PRKN: variants seen among roughly 807,000 people sequenced by gnomAD.
The protein encoded by PRKN is E3 ubiquitin-protein ligase parkin.
PRKN carries 56 observed loss-of-function variants against 59.5 expected under a neutral mutation model. That is an observed-to-expected ratio of 0.94 (90% CI 0.76 to 1.18). The LOEUF is 1.18. PRKN is among the 50% of genes most tolerant of loss of function. PRKN has a pLI of 0.00. For synonymous variants in PRKN, 250 were observed against 222.1 expected (o/e 1.13, Z -1.12); for missense variants, 657 against 596.4 (o/e 1.10, Z -1.06).
chr6:161,846,899 G>T, intron 6 of PRKN, among the ~76,000 whole-genome samples: 1 of 152,174 alleles, frequency 6.6e-6, no homozygotes, highest in South Asian at 2.1e-4. Flanking sequence ...CTCTATCACT[G>T]TACCATGAGG....
intron 3 of PRKN, among the ~76,000 whole-genome samples, chr6:162,238,508 AC>A (rs1157009647): frequency 5.9e-5 from 9 of 152,204 alleles, no homozygotes; most frequent in Non-Finnish European, 1.2e-4. Context: ...TCAAGCCTAG[AC>A]AAAGCAACTT....
At chr6:161,803,570 C>T (rs925565791) in intron 6 of PRKN, among the ~76,000 whole-genome samples, 4 of 152,216 alleles carry the variant, frequency 2.6e-5, no homozygotes, top group South Asian at 2.1e-4. Context: ...CGAAGCAGGG[C>T]CAAGCTCAGC....
At position 161,525,618 on chromosome 6, in the gene PRKN, G is replaced by A. The variant is rs148136051; in HGVS notation, c.1083+23236C>T. On this transcript the variant is annotated intron_variant, in intron 9 of 11. Transcript: ENST00000366898. The surrounding 1 kb of genome is among the most constrained non-coding windows in gnomAD (Gnocchi z 4.7). ...GAGAAGGCTGTAGGAGGCAGTTCCC[G>A]GAGCCTAAGTATTAAAATATGAACA... Among the ~76,000 whole-genome samples the A allele has an allele frequency of 5.3e-5, 8 of 152,124 alleles. No homozygotes were observed. The highest frequency in any genetic ancestry group is 8.8e-5 in the Non-Finnish European group (6 of 68,028).
chr6:161,543,035 A>C (rs577344911), intron 9 of PRKN, among the ~76,000 whole-genome samples: 30 of 152,334 alleles, frequency 2.0e-4, no homozygotes, highest in Admixed American at 7.8e-4. Flanking sequence ...AATATTGATC[A>C]TCTACATGTT....
chr6:161,867,536 G>C (rs1216349007), intron 6 of PRKN, among the ~76,000 whole-genome samples: 2 of 152,046 alleles, frequency 1.3e-5, no homozygotes, highest in Admixed American at 6.6e-5. Context: ...TGGAAAAGCA[G>C]ATATATAAAA....
At chr6:162,205,762 G>GT (rs34024600) in intron 3 of PRKN, among the ~76,000 whole-genome samples, 52,768 of 151,840 alleles carry the variant, frequency 0.35, 9,764 homozygotes, top group Non-Finnish European at 0.41. Context: ...ACACACACAC[G>GT]TACATAGCAT....
chr6:162,192,587 G>T lies in PRKN; in HGVS notation c.534+8544C>A, dbSNP rs1784329819. Among the ~76,000 whole-genome samples, 2 of 150,402 alleles carry T rather than the reference G, an allele frequency of 1.3e-5. 1 individual carries two copies. Among genetic ancestry groups the T allele is most frequent in the South Asian group, 4.2e-4 (2 of 4,754 alleles). Reference sequence around the variant, plus strand: ...CCTGCCTCGGTCTCCCAAGTTGTTGGGCCTACAGGCACATGCTACCACGCC... The same window carrying T: ...CCTGCCTCGGTCTCCCAAGTTGTTGTGCCTACAGGCACATGCTACCACGCC... On this transcript the variant is annotated intron_variant, in intron 4 of 11. Coordinates refer to ENST00000366898, the MANE Select transcript of PRKN (RefSeq NM_004562.3).
intron 7 of PRKN, among the ~76,000 whole-genome samples, chr6:161,701,280 A>G (rs1307171741): frequency 6.6e-6 from 1 of 152,188 alleles, no homozygotes; most frequent in Non-Finnish European, 1.5e-5. Flanking sequence ...TTTGAAACAC[A>G]GTTTCCATTG....
chr6:162,078,649 T>C (rs1338900620), intron 4 of PRKN, among the ~76,000 whole-genome samples: 1 of 152,062 alleles, frequency 6.6e-6, no homozygotes, highest in Non-Finnish European at 1.5e-5. Context: ...CTCATTTTGA[T>C]TCCCTGTTAC....
intron 2 of PRKN, among the ~76,000 whole-genome samples, chr6:162,338,370 C>G (rs1411285149): frequency 1.3e-5 from 2 of 152,238 alleles, no homozygotes; most frequent in African/African-American, 2.4e-5. Context: ...CTGCCTGATT[C>G]TCCTGCCTCA....
At chr6:161,962,540 CTTTTTTTTT>C (rs567987319) in intron 6 of PRKN, among the ~76,000 whole-genome samples, 1 of 136,166 alleles carries the variant, frequency 7.3e-6, no homozygotes, top group South Asian at 2.3e-4. Flanking sequence ...AATGTAGCAC[CTTTTTTTTT>C]TTTTTTTTTG....
Position 161,677,445 on chromosome 6 carries a change from G to A in PRKN, c.872-108029C>T, listed in dbSNP as rs186047105. Among the ~76,000 whole-genome samples the A allele has an allele frequency of 1.0e-3, 158 of 152,294 alleles. 1 individual carries two copies. In the East Asian group the frequency reaches 0.025, roughly 24 times the overall value. ...GCTAGAACTGAGTGTCGGCTTCTCC[G>A]TTGCCATGCAGCCCAAGGTAAACCA... is the stretch of plus-strand genomic sequence containing the variant. On this transcript the variant is annotated intron_variant, in intron 7 of 11. Transcript: ENST00000366898.
intron 9 of PRKN, among the ~76,000 whole-genome samples, chr6:161,412,198 ACT>A: frequency 9.6e-6 from 1 of 104,486 alleles, no homozygotes; most frequent in South Asian, 3.1e-4. Flanking sequence ...TCCTCCACTC[ACT>A]CTTTCCTTCC....
intron 2 of PRKN, among the ~76,000 whole-genome samples, chr6:162,265,548 G>A (rs570419630): frequency 1.1e-4 from 17 of 152,190 alleles, no homozygotes; most frequent in East Asian, 9.7e-4. Flanking sequence ...AAAATTAGCC[G>A]GGCATGGTGG....
chr6:162,072,724 G>A (rs777869891), intron 4 of PRKN, among the ~76,000 whole-genome samples: 2 of 152,124 alleles, frequency 1.3e-5, no homozygotes, highest in South Asian at 4.1e-4. Context: ...ACTGGGTTTC[G>A]AATCTAATGG....
At chr6:161,489,835 C>T (rs1185994661) in intron 9 of PRKN, among the ~76,000 whole-genome samples, 2 of 152,170 alleles carry the variant, frequency 1.3e-5, no homozygotes, top group Non-Finnish European at 2.9e-5. Flanking sequence ...TATACAAAGG[C>T]TTTCCTCCAG....
chr6:162,145,964 C>T (rs957765486), intron 4 of PRKN, among the ~76,000 whole-genome samples: 1 of 152,206 alleles, frequency 6.6e-6, no homozygotes, highest in Non-Finnish European at 1.5e-5. Context: ...TACAAAGTGA[C>T]ACTACTATGC....
At position 161,598,284 on chromosome 6, in the gene PRKN, C is replaced by T. The variant is rs139801368; in HGVS notation, c.872-28868G>A. ...AAACTCATAGAAACAGATGTATACA[C>T]GACAAACTTGCATTTATCAGCATGA... On this transcript the variant is annotated intron_variant, in intron 7 of 11. Transcript: ENST00000366898. Among the ~76,000 whole-genome samples, 311 of 152,182 alleles carry T rather than the reference C, an allele frequency of 2.0e-3. 1 individual carries two copies. Among genetic ancestry groups the T allele is most frequent in the Non-Finnish European group, 2.5e-3 (171 of 68,014 alleles).
chr6:162,408,040 C>T (rs7767625), intron 2 of PRKN, among the ~76,000 whole-genome samples: 16,057 of 151,956 alleles, frequency 0.11, 1,070 homozygotes, highest in African/African-American at 0.19. Flanking sequence ...ATGATATCTA[C>T]ATCTTTTCAA....
Sources: gnomAD v4.1 joint callset for allele counts (sites outside exome capture counted in the v4.1 genomes callset) on GRCh38, gnomAD v4.1.1 for gene constraint, Gnocchi (gnomAD v3.1) non-coding constraint, MANE v1.5 for transcripts, NCBI Gene and HGNC (gene_info 2026-07-23, HGNC 2026-07-21) for gene names.